Variants in OLFM1 observed in about 807,000 individuals in gnomAD.
The protein encoded by OLFM1 is olfactomedin 1.
OLFM1 carries 9 observed loss-of-function variants against 49.7 expected under a neutral mutation model. The ratio of observed to expected loss-of-function variants is 0.18; its 90% CI spans 0.11 to 0.32. The LOEUF (loss-of-function observed/expected upper bound fraction) is 0.32, where lower values mean the gene tolerates loss of function less well. Among genes scored for constraint, OLFM1 ranks in the 10% least tolerant of loss-of-function variants. OLFM1 has a pLI of 1.00. For missense variants in OLFM1, 369 were observed against 661.8 expected, an observed-to-expected ratio of 0.56 and a Z score of 4.85; for synonymous variants, 240 against 271.8, an observed-to-expected ratio of 0.88 and a Z score of 1.15.
At chr9:135,086,491 G>A (rs925254472), upstream of OLFM1, 7 of 386,702 alleles carry the variant, frequency 1.8e-5, no homozygotes, top group East Asian at 7.3e-5. Flanking sequence ...CTTCCGGCCC[G>A]GCGTCCGTCT....
chr9:135,119,992 C>T lies in OLFM1; in HGVS notation c.1272C>T (p.Val424=), dbSNP rs746772781. 51 of 1,613,678 alleles carry T rather than the reference C, an allele frequency of 3.2e-5. No individual in the cohort carries two copies. The highest frequency in any genetic ancestry group is 4.0e-5 in the Non-Finnish European group (47 of 1,180,034). Residue 424 remains valine (V), a synonymous_variant, in exon 6 of 6, where the codon GTC becomes GTT. Coordinates refer to ENST00000371793, the MANE Select transcript of OLFM1 (RefSeq NM_001282611.2). Reference sequence around the variant, plus strand: ...ACGGCTACTCAGGGGGTACCAAGGTCCACTATGCATACCAGACCAATGCCT... The same window carrying T: ...ACGGCTACTCAGGGGGTACCAAGGTTCACTATGCATACCAGACCAATGCCT... ...VTNGYSGGTK[V]HYAYQTNAST...
At chr9:135,100,120 G>A (rs1369325763) in intron 4 of OLFM1, among the ~76,000 whole-genome samples, 4 of 152,170 alleles carry the variant, frequency 2.6e-5, no homozygotes, top group Admixed American at 6.5e-5. Flanking sequence ...ATTTCCCCAT[G>A]AGCAGTGTCT....
At chr9:135,101,785 C>T (rs1222522857) in intron 4 of OLFM1, among the ~76,000 whole-genome samples, 3 of 152,220 alleles carry the variant, frequency 2.0e-5, no homozygotes, top group African/African-American at 4.8e-5. Flanking sequence ...GGTCAGTGCA[C>T]GATGCTGCTC....
intron 5 of OLFM1, among the ~76,000 whole-genome samples, chr9:135,107,379 C>T (rs1388994444): frequency 6.6e-6 from 1 of 152,204 alleles, no homozygotes; most frequent in Non-Finnish European, 1.5e-5. Context: ...CCAGGCTTTT[C>T]CCCGCTGGGT....
intron 1 of OLFM1, among the ~76,000 whole-genome samples, chr9:135,082,487 C>T (rs1778991): frequency 0.73 from 111,314 of 151,990 alleles, 41,357 homozygotes; most frequent in African/African-American, 0.79. Context: ...ATGAGTGTAT[C>T]GTAAATAACT....
chr9:135,108,098 C>T (rs983766316), intron 5 of OLFM1, among the ~76,000 whole-genome samples: 21 of 152,304 alleles, frequency 1.4e-4, no homozygotes, highest in Admixed American at 7.8e-4. Context: ...ACTGCAGAGC[C>T]GGGATACAAT....
chr9:135,091,111 G>A (rs533462792), intron 2 of OLFM1, among the ~76,000 whole-genome samples: 5 of 152,320 alleles, frequency 3.3e-5, no homozygotes, highest in African/African-American at 1.2e-4. Context: ...TAGGGAAGTG[G>A]GCACTCGGAC....
Position 135,088,111 on chromosome 9 carries a change from G to T in OLFM1, c.122G>T (p.Gly41Val). 1.4e-6 allele frequency: 2 copies of T among 1,410,230 alleles called. No individual in the cohort carries two copies. The highest frequency in any genetic ancestry group is 1.9e-6 in the Non-Finnish European group (2 of 1,065,692). The allele number at this position is 1,410,230 out of a possible 1,614,324, so 87.4% of individuals were successfully genotyped here. Residue 41 changes from glycine to valine, a missense_variant, in exon 1 of 6, where the codon GGC becomes GTC. This residue lies in a region of OLFM1 where 55 missense variants were observed against 53.3 expected (regional missense o/e 1.03). Transcript: ENST00000371793. The surrounding 1 kb of genome is among the most constrained non-coding windows in gnomAD (Gnocchi z 4.8). ...AACACCACCAAGCTCTCGGCGGCCG[G>T]CGGCGGGACGCTGGACCGCAGCACC... is the stretch of plus-strand genomic sequence containing the variant. ...GLNTTKLSAAGGGTLDRSTGV... is the reference protein window; with the variant it reads ...GLNTTKLSAAVGGTLDRSTGV...
chr9:135,076,719 A>G (rs987812999), intron 1 of OLFM1: 81 of 1,438,696 alleles, frequency 5.6e-5, no homozygotes, highest in Admixed American at 3.0e-4. Flanking sequence ...TGGAGTTGCA[A>G]GTCCAGGAAG....
rs747119783 is a variant in OLFM1, at chr9:135,091,645, T to TCA, written c.300+1304_300+1305dup. Among the ~76,000 whole-genome samples, 18 of 5,334 alleles carry TCA rather than the reference T, an allele frequency of 3.4e-3. 1 individual carries two copies. The highest frequency in any genetic ancestry group is 0.024 in the East Asian group (4 of 164). The allele number at this position is 5,334 out of a possible 152,430, so 3.5% of individuals were successfully genotyped here. ...CACACACTCACATAGTCACACACAC[T>TCA]CACATAGTCACACACACACAGTCAC... On this transcript the variant is annotated intron_variant, in intron 2 of 5. Coordinates refer to ENST00000371793, the MANE Select transcript of OLFM1 (RefSeq NM_001282611.2).
At chr9:135,091,653 T>TCA (rs72348057) in intron 2 of OLFM1, among the ~76,000 whole-genome samples, 4 of 22,336 alleles carry the variant, frequency 1.8e-4, no homozygotes, top group South Asian at 3.3e-3. Context: ...ACTCACATAG[T>TCA]CACACACACA....
At chr9:135,094,314 C>T (rs1830756603) in intron 2 of OLFM1, among the ~76,000 whole-genome samples, 1 of 152,242 alleles carries the variant, frequency 6.6e-6, no homozygotes, top group African/African-American at 2.4e-5. Context: ...CCTAGGCAGA[C>T]ATTGTGCCAA....
Position 135,103,899 on chromosome 9 carries a change from C to T in OLFM1, c.677-2850C>T, listed in dbSNP as rs548965147. ...CATCTATAGAGAAGGAGAGGGAGTA[C>T]ACAGCAGCCCCCAGGGAAGAGGGTC... On this transcript the variant is annotated intron_variant, in intron 4 of 5. Transcript: ENST00000371793. Among the ~76,000 whole-genome samples, 18 of 152,270 alleles carry T rather than the reference C, an allele frequency of 1.2e-4. 1 individual carries two copies. In the South Asian group the frequency reaches 3.1e-3, roughly 26 times the overall value.
Position 135,088,280 on chromosome 9 carries a change from G to C in OLFM1, c.150+141G>C. On this transcript the variant is annotated intron_variant, in intron 1 of 5. Coordinates refer to ENST00000371793, the MANE Select transcript of OLFM1 (RefSeq NM_001282611.2). This position sits in a 1 kb window ranked among gnomAD's most constrained non-coding sequence, Gnocchi z 4.8. ...GGCGGCGGGGAGCAGGGCGGGCAAGGGCAGGCGTCGCGGGCCGGCGCAGCG... is the reference window on the plus strand; with the variant it reads ...GGCGGCGGGGAGCAGGGCGGGCAAGCGCAGGCGTCGCGGGCCGGCGCAGCG... The C allele has an allele frequency of 5.1e-6, 4 of 787,568 alleles. No homozygotes were observed. Among genetic ancestry groups the C allele is most frequent in the Non-Finnish European group, 6.7e-6 (4 of 596,452 alleles). The allele number at this position is 787,568 out of a possible 1,614,324, so 48.8% of individuals were successfully genotyped here. A position where few individuals can be genotyped will look rare whatever the true frequency, so the allele number is the denominator to read the frequency against.
intron 1 of OLFM1, chr9:135,075,827 C>T: frequency 6.3e-7 from 1 of 1,586,886 alleles, no homozygotes; most frequent in South Asian, 1.1e-5. Context: ...CGCCATTTTC[C>T]TCCCTGCCAG....
intron 5 of OLFM1, among the ~76,000 whole-genome samples, chr9:135,110,056 C>T (rs959761160): frequency 2.6e-5 from 4 of 152,222 alleles, no homozygotes; most frequent in African/African-American, 4.8e-5. Context: ...GCCACCCCTG[C>T]GCTTCCCAGG....
At chr9:135,077,933 C>T (rs148045952) in intron 1 of OLFM1, among the ~76,000 whole-genome samples, 3 of 152,320 alleles carry the variant, frequency 2.0e-5, no homozygotes, top group African/African-American at 7.2e-5. Flanking sequence ...CACCAGCACC[C>T]GAGAGCCTGG....
At chr9:135,089,035 A>T (rs1271504043) in intron 1 of OLFM1, among the ~76,000 whole-genome samples, 1 of 152,170 alleles carries the variant, frequency 6.6e-6, no homozygotes, top group East Asian at 1.9e-4. Flanking sequence ...TTAGGCTGAA[A>T]GGAGAGGTGA....
intron 1 of OLFM1, among the ~76,000 whole-genome samples, chr9:135,078,182 T>G (rs977887431): frequency 6.6e-5 from 10 of 152,204 alleles, no homozygotes; most frequent in African/African-American, 1.9e-4. Flanking sequence ...TGAAGAAGCA[T>G]GTCTGGGCTT....
Sources: allele counts gnomAD v4.1 joint callset (sites outside exome capture counted in the v4.1 genomes callset), GRCh38; gene constraint gnomAD v4.1.1; regional missense constraint gnomAD v4.1.1; non-coding constraint Gnocchi (gnomAD v3.1); transcripts MANE v1.5; gene names NCBI Gene and HGNC (gene_info 2026-07-23, HGNC 2026-07-21).